The following ACADSB variants were observed in gnomAD, a reference collection of about 807,000 sequenced individuals.
ACADSB encodes the protein short/branched chain specific acyl-CoA dehydrogenase, mitochondrial.
ACADSB carries 40 observed loss-of-function variants against 54.1 expected under a neutral mutation model. The observed-to-expected ratio is 0.74, with a 90% CI of 0.57 to 0.96. The LOEUF is 0.96. Ranked by LOEUF, ACADSB falls within the 40% of genes least tolerant of loss-of-function variation. The probability of loss-of-function intolerance (pLI) is 0.00; values close to 1 mark genes in which losing one functional copy is unlikely to be tolerated. For missense variants in ACADSB, 530 were observed against 510.4 expected (o/e 1.04, Z -0.37); for synonymous variants, 182 against 182.8 (o/e 1.00, Z 0.03).
chr10:123,053,870 A>G lies in ACADSB; in HGVS notation c.*105A>G. ...TTGCGTGGGAATAAACTTCCACAGC[A>G]TTCGAATATTTTAATGAAGCCCTTA... On this transcript the variant is annotated 3_prime_UTR_variant, in exon 11 of 11. Transcript: ENST00000358776. 9.5e-7 allele frequency: 1 copy of G among 1,050,878 alleles called. No individual in the cohort carries two copies. Among genetic ancestry groups the G allele is most frequent in the Non-Finnish European group, 1.5e-6 (1 of 678,012 alleles). 65.1% of individuals were successfully genotyped at this position (1,050,878 alleles called of 1,614,324 possible). A position where few individuals can be genotyped will look rare whatever the true frequency, so the allele number is the denominator to read the frequency against.
intron 1 of ACADSB, among the ~76,000 whole-genome samples, chr10:123,023,162 C>G (rs896344581): frequency 6.6e-6 from 1 of 152,188 alleles, no homozygotes; most frequent in Non-Finnish European, 1.5e-5. Flanking sequence ...AACAAAAAGG[C>G]ATGCAAACGA....
Position 123,057,803 on chromosome 10 carries a change from A to T in ACADSB, c.*4038A>T, listed in dbSNP as rs1466448689. The T allele has an allele frequency of 6.6e-6, 1 of 152,228 alleles. No homozygotes were observed. The highest frequency in any genetic ancestry group is 1.5e-5 in the Non-Finnish European group (1 of 68,038). 9.4% of individuals were successfully genotyped at this position (152,228 alleles called of 1,614,324 possible). A position where few individuals can be genotyped will look rare whatever the true frequency, so the allele number is the denominator to read the frequency against. ...TCATAGCACAGATTACTTGCCTAAG[A>T]TCATCCAGGAACGAAGACAAGAATC... On this transcript the variant is annotated 3_prime_UTR_variant, in exon 11 of 11. Transcript: ENST00000358776.
At chr10:123,032,526 A>G (rs1165323295) in intron 1 of ACADSB, among the ~76,000 whole-genome samples, 3 of 151,326 alleles carry the variant, frequency 2.0e-5, no homozygotes, top group East Asian at 3.9e-4. Context: ...CTCCACCACC[A>G]GCCAGTGAGC....
rs1850522414 is a variant in ACADSB, at chr10:123,044,427, A to G, written c.842A>G (p.His281Arg). The G allele has an allele frequency of 6.2e-7, 1 of 1,613,914 alleles. No homozygotes were observed. Among genetic ancestry groups the G allele is most frequent in the Non-Finnish European group, 8.5e-7 (1 of 1,179,916 alleles). Reference protein sequence around the residue: ...PEANILGQIGHGYKYAIGSLN... With the variant: ...PEANILGQIGRGYKYAIGSLN... The stretch of plus-strand genomic sequence containing the variant: ...GCCAATATCTTGGGACAAATTGGAC[A>G]TGGCTATAAGTATGCCATAGGGAGT... Residue 281 changes from histidine (H) to arginine (R), a missense_variant, in exon 7 of 11, where the codon CAT becomes CGT. Coordinates refer to ENST00000358776, the MANE Select transcript of ACADSB (RefSeq NM_001609.4).
At chr10:123,013,554 G>T (rs191186381) in intron 1 of ACADSB, among the ~76,000 whole-genome samples, 2 of 152,262 alleles carry the variant, frequency 1.3e-5, no homozygotes, top group Non-Finnish European at 2.9e-5. Flanking sequence ...GGAGCAGGGG[G>T]TGGCGCTCGT....
chr10:123,014,034 G>A (rs1336180893), intron 1 of ACADSB, among the ~76,000 whole-genome samples: 1 of 152,222 alleles, frequency 6.6e-6, no homozygotes, highest in African/African-American at 2.4e-5. Context: ...GAGAGCAAGC[G>A]AGGGCTGCCA....
rs575392767 is a variant in ACADSB, at chr10:123,036,604, T to G, written c.203-1143T>G. 5.9e-5 allele frequency among the ~76,000 whole-genome samples: 9 copies of G among 152,336 alleles called. No homozygotes were observed. The South Asian group carries it at 1.0e-3, about 18-fold the overall frequency. On this transcript the variant is annotated intron_variant, in intron 2 of 10. Coordinates refer to ENST00000358776, the MANE Select transcript of ACADSB (RefSeq NM_001609.4). ...TAAAGATGGGCAAGAAAAAAATCAC[T>G]GCTTTTAAGGAACTCAGAATCTAGT... is the stretch of plus-strand genomic sequence containing the variant.
At chr10:123,033,931 A>C (rs1038253834) in intron 1 of ACADSB, among the ~76,000 whole-genome samples, 1 of 152,152 alleles carries the variant, frequency 6.6e-6, no homozygotes, top group African/African-American at 2.4e-5. Flanking sequence ...TGTCCTCCCC[A>C]GCTCCCTGGG....
intron 8 of ACADSB, among the ~76,000 whole-genome samples, chr10:123,048,172 C>CCAACTG (rs763480182): frequency 6.6e-6 from 1 of 152,202 alleles, no homozygotes; most frequent in Non-Finnish European, 1.5e-5. Context: ...GATTGCATTG[C>CCAACTG]CAACTGCATG....
chr10:123,024,225 A>G (rs1285168999), intron 1 of ACADSB, among the ~76,000 whole-genome samples: 2 of 152,264 alleles, frequency 1.3e-5, no homozygotes, highest in Non-Finnish European at 2.9e-5. Flanking sequence ...TAGCCAGTCA[A>G]ATAGAGGAAG....
chr10:123,051,188 TAAAAAAAAA>T lies in ACADSB; in HGVS notation c.1128+18_1128+26del, dbSNP rs10571424. The stretch of plus-strand genomic sequence containing the variant: ...ATGGCCAAATACTATGCATCAGAGG[TAAAAAAAAA>T]AAAAAAAAAAAAAAAGGAAAAAGTA... On this transcript the variant is annotated splice_donor_5th_base_variant and intron_variant, in intron 9 of 10. Transcript: ENST00000358776. 1,071 of 1,017,514 alleles carry T rather than the reference TAAAAAAAAA, an allele frequency of 1.1e-3. 1 individual carries two copies. The highest frequency in any genetic ancestry group is 2.5e-3 in the African/African-American group (89 of 35,782). 63.0% of individuals were successfully genotyped at this position (1,017,514 alleles called of 1,614,324 possible). A position where few individuals can be genotyped will look rare whatever the true frequency, so the allele number is the denominator to read the frequency against.
chr10:123,054,739 T>C lies in ACADSB; in HGVS notation c.*974T>C, dbSNP rs1172221222. Reference sequence around the variant, plus strand: ...TTCAGTAGGTCATTTTAAAAACCAATGTGCATTAGTTTTCAAGTATAAGGT... The same window carrying C: ...TTCAGTAGGTCATTTTAAAAACCAACGTGCATTAGTTTTCAAGTATAAGGT... On this transcript the variant is annotated 3_prime_UTR_variant, in exon 11 of 11. Transcript: ENST00000358776. The C allele has an allele frequency of 6.6e-6, 1 of 152,228 alleles. No homozygotes were observed. Among genetic ancestry groups the C allele is most frequent in the African/African-American group, 2.4e-5 (1 of 41,460 alleles). 9.4% of individuals were successfully genotyped at this position (152,228 alleles called of 1,614,324 possible).
Position 123,047,224 on chromosome 10 carries a change from C to G in ACADSB, c.916C>G (p.Gln306Glu), listed in dbSNP as rs745325814. 1.9e-6 allele frequency: 3 copies of G among 1,608,704 alleles called. No homozygotes were observed. The highest frequency in any genetic ancestry group is 2.2e-5 in the South Asian group (2 of 90,996). The change falls in exon 8 of 11, where the codon CAA becomes GAA. Residue 306 changes from glutamine to glutamate, a missense_variant. By Grantham distance (29) the Gln-to-Glu change is conservative (BLOSUM62 2). Transcript: ENST00000358776. ...GTTTTAACAGATGCTGGGACTGGCG[C>G]AAGGATGTTTTGACTACACTATTCC... The part of the protein sequence containing the change: ...GIAAQMLGLA[Q>E]GCFDYTIPYI...
At chr10:123,016,778 A>G (rs1850114449) in intron 1 of ACADSB, among the ~76,000 whole-genome samples, 1 of 152,188 alleles carries the variant, frequency 6.6e-6, no homozygotes, top group Admixed American at 6.5e-5. Flanking sequence ...TCTGTGACAT[A>G]TGTGTTTTAT....
At chr10:123,046,598 G>A (rs4285814) in intron 7 of ACADSB, among the ~76,000 whole-genome samples, 14,360 of 152,216 alleles carry the variant, frequency 0.094, 753 homozygotes, top group Non-Finnish European at 0.11. Context: ...CTACTCCCAA[G>A]ATTTGGATTC....
Position 123,056,182 on chromosome 10 carries a change from G to C in ACADSB, c.*2417G>C, listed in dbSNP as rs932044413. The C allele has an allele frequency of 3.0e-5, 5 of 164,384 alleles. No homozygotes were observed. The highest frequency in any genetic ancestry group is 6.5e-5 in the Non-Finnish European group (5 of 76,930). 10.2% of individuals were successfully genotyped at this position (164,384 alleles called of 1,614,324 possible). Reference sequence around the variant, plus strand: ...CCCACTCTACTGTTAGCAGTTTACTGTATTAGTCTGTTTTCACACTGCTGA... The same window carrying C: ...CCCACTCTACTGTTAGCAGTTTACTCTATTAGTCTGTTTTCACACTGCTGA... On this transcript the variant is annotated 3_prime_UTR_variant, in exon 11 of 11. Coordinates refer to ENST00000358776, the MANE Select transcript of ACADSB (RefSeq NM_001609.4).
At position 123,041,353 on chromosome 10, in the gene ACADSB, G is replaced by A. The variant is rs553730391; in HGVS notation, c.655G>A (p.Val219Met). 41 of 1,614,184 alleles carry A rather than the reference G, an allele frequency of 2.5e-5. No homozygotes were observed. The East Asian group carries it at 6.7e-4, about 26-fold the overall frequency. The change falls in exon 5 of 11, where the codon GTG (valine) becomes ATG (methionine). Residue 219 changes from valine (V) to methionine (M), a missense_variant. Physicochemically the swap from Val to Met is conservative, Grantham distance 21. Transcript: ENST00000358776. The stretch of plus-strand genomic sequence containing the variant: ...TGCTGAGCACGCAGGGCTCTTTCTG[G>A]TGATGGCAAATGTAGACCCTACCAT... The part of the protein sequence containing the change: ...SSAEHAGLFL[V>M]MANVDPTIGY...
rs1850639859 is a variant in ACADSB at position 123,052,023 on chromosome 10, C to A, written c.1128+837C>A. Among the ~76,000 whole-genome samples the A allele has an allele frequency of 6.6e-6, 1 of 152,170 alleles. No homozygotes were observed. Among genetic ancestry groups the A allele is most frequent in the African/African-American group, 2.4e-5 (1 of 41,440 alleles). On this transcript the variant is annotated intron_variant, in intron 9 of 10. Coordinates refer to ENST00000358776, the MANE Select transcript of ACADSB (RefSeq NM_001609.4). This position sits in a 1 kb window ranked among gnomAD's most constrained non-coding sequence, Gnocchi z 4.2. ...CTCTGTACTTCAGTCACCTCACTGCCCTCCTGGTCCCTGGTGCTTCCTCCC... is the reference window on the plus strand; with the variant it reads ...CTCTGTACTTCAGTCACCTCACTGCACTCCTGGTCCCTGGTGCTTCCTCCC...
chr10:123,034,417 C>A lies in ACADSB; in HGVS notation c.104C>A (p.Ser35Tyr), dbSNP rs757453558. Residue 35 changes from serine to tyrosine, a missense_variant, in exon 2 of 11, where the codon TCT (serine) becomes TAT (tyrosine). Physicochemically the swap from Ser to Tyr is moderately radical, Grantham distance 144. Coordinates refer to ENST00000358776, the MANE Select transcript of ACADSB (RefSeq NM_001609.4). ...AAGATTCCTCCTCATGTCTCAAAAT[C>A]TTCCCAGTCAGAAGCTCTACTCAAT... ...SWKIPPHVSK[S>Y]SQSEALLNIT... is the part of the protein sequence containing the mutation. 9.3e-6 allele frequency: 15 copies of A among 1,613,740 alleles called. No homozygotes were observed. In the South Asian group the frequency reaches 1.6e-4, roughly 18 times the overall value.
Sources: allele counts gnomAD v4.1 joint callset (sites outside exome capture counted in the v4.1 genomes callset), GRCh38; gene constraint gnomAD v4.1.1; non-coding constraint Gnocchi (gnomAD v3.1); transcripts MANE v1.5; gene names NCBI Gene and HGNC (gene_info 2026-07-23, HGNC 2026-07-21).